Variants in USP42 observed in about 807,000 individuals in gnomAD.
USP42 encodes the protein ubiquitin specific peptidase 42, also known as ubiquitin carboxyl-terminal hydrolase 42.
Under a neutral mutation model 113.0 loss-of-function variants are expected in USP42, and 23 were observed. The ratio of observed to expected loss-of-function variants is 0.20; its 90% confidence interval spans 0.15 to 0.29. The LOEUF (loss-of-function observed/expected upper bound fraction) is 0.29. Ranked by LOEUF, USP42 falls within the 10% of genes least tolerant of loss-of-function variation. The pLI is 1.00. For missense variants in USP42, 2,174 were observed against 1,779.8 expected (o/e 1.22, Z -3.99); for synonymous variants, 933 against 699.0 (o/e 1.33, Z -5.28).
At chr7:6,153,650 G>T in intron 14 of USP42, 106 bp from the exon 15 acceptor site, 1 of 1,301,024 alleles carries the variant, frequency 7.7e-7, no homozygotes, top group South Asian at 2.1e-5. Flanking sequence ...AAAATAAAGA[G>T]ACGAAATAGC....
chr7:6,114,047 A>G (rs1049875140), intron 2 of USP42, among the ~76,000 whole-genome samples: 21 of 152,150 alleles, frequency 1.4e-4, no homozygotes, highest in African/African-American at 4.8e-4. Context: ...TTCCATTATC[A>G]TACTTAGTTA....
chr7:6,098,848 G>T, the USP42 span, among the ~76,000 whole-genome samples: 2 of 149,656 alleles, frequency 1.3e-5, no homozygotes, highest in Admixed American at 6.7e-5. Flanking sequence ...GCCCTGCCAA[G>T]AATGCATTGT....
At chr7:6,128,812 GTCTT>G (rs1392593364) in intron 3 of USP42, among the ~76,000 whole-genome samples, 2 of 150,044 alleles carry the variant, frequency 1.3e-5, no homozygotes, top group African/African-American at 2.5e-5. Context: ...CTTTACTTGA[GTCTT>G]TCTTTCTTTT....
intron 12 of USP42, among the ~76,000 whole-genome samples, chr7:6,148,501 C>T (rs77870088): frequency 0.013 from 2,003 of 152,298 alleles, 26 homozygotes; most frequent in Middle Eastern, 0.061. Context: ...TAATTCCTGT[C>T]GGATTGCAGG....
Position 6,157,173 on chromosome 7 carries a change from C to G in USP42, c.3943+118C>G. 6.9e-7 allele frequency: 1 copy of G among 1,439,746 alleles called. No individual in the cohort carries two copies. Among genetic ancestry groups the G allele is most frequent in the South Asian group, 1.5e-5 (1 of 66,746 alleles). 89.2% of individuals were successfully genotyped at this position (1,439,746 alleles called of 1,614,324 possible). A position where few individuals can be genotyped will look rare whatever the true frequency, so the allele number is the denominator to read the frequency against. The stretch of plus-strand genomic sequence containing the variant: ...GGTGGCATCAAAGGGCACAGTTACT[C>G]AGAGCACCCCTGCCCTGCCTGGTCT... On this transcript the variant is annotated intron_variant, in intron 16 of 17. Coordinates refer to ENST00000306177, the MANE Select transcript of USP42 (RefSeq NM_032172.3). The surrounding 1 kb of genome is among the most constrained non-coding windows in gnomAD (Gnocchi z 4.1).
intron 14 of USP42, among the ~76,000 whole-genome samples, chr7:6,152,745 T>A (rs908978151): frequency 1.3e-5 from 2 of 152,150 alleles, no homozygotes; most frequent in Non-Finnish European, 2.9e-5. Context: ...CGAGGATATA[T>A]CGAAAGCTCT....
intron 3 of USP42, among the ~76,000 whole-genome samples, chr7:6,116,234 G>C (rs1021256939): frequency 3.3e-5 from 5 of 152,144 alleles, no homozygotes; most frequent in Non-Finnish European, 7.3e-5. Flanking sequence ...TTAGAGGAGA[G>C]GGACTCTCTT....
chr7:6,113,637 T>G (rs1779722302), intron 2 of USP42, among the ~76,000 whole-genome samples: 1 of 152,168 alleles, frequency 6.6e-6, no homozygotes, highest in Non-Finnish European at 1.5e-5. Context: ...TTGTTTTTTT[T>G]TTGAGACGAA....
chr7:6,087,845 A>AT, the USP42 span, among the ~76,000 whole-genome samples: 1 of 151,292 alleles, frequency 6.6e-6, no homozygotes, highest in Non-Finnish European at 1.5e-5. Flanking sequence ...GATACTAATT[A>AT]TAAGACAGTG....
intron 3 of USP42, chr7:6,116,786 CT>C (rs1251026352): frequency 1.9e-6 from 1 of 533,112 alleles, no homozygotes; most frequent in Non-Finnish European, 3.8e-6. Context: ...CATTTTCTCC[CT>C]TTCTCAGTCC....
the USP42 span, among the ~76,000 whole-genome samples, chr7:6,097,186 G>A: frequency 2.0e-5 from 3 of 150,902 alleles, no homozygotes; most frequent in African/African-American, 5.0e-5. Context: ...CAGCCACCTC[G>A]GGGTACCACT....
the USP42 span, among the ~76,000 whole-genome samples, chr7:6,085,999 G>A: frequency 1.2e-4 from 18 of 150,584 alleles, 2 homozygotes; most frequent in African/African-American, 4.5e-4. Flanking sequence ...TGCCAACATC[G>A]AGATGAGAGA....
chr7:6,136,751 G>A (rs139034133), intron 4 of USP42, among the ~76,000 whole-genome samples: 1 of 151,812 alleles, frequency 6.6e-6, no homozygotes, highest in Non-Finnish European at 1.5e-5. Context: ...TGCTCTGCAA[G>A]CAGCAGTAAA....
rs1782499103 is a variant in USP42, at chr7:6,157,109, T to C, written c.3943+54T>C. On this transcript the variant is annotated intron_variant, in intron 16 of 17. Transcript: ENST00000306177. This position sits in a 1 kb window ranked among gnomAD's most constrained non-coding sequence, Gnocchi z 4.1. ...ATAGAAACTATTTCTTAATACATTT[T>C]CTTTGCAAAGGTGATTAACATGTAG... 3 of 1,486,984 alleles carry C rather than the reference T, an allele frequency of 2.0e-6. No individual in the cohort carries two copies. The highest frequency in any genetic ancestry group is 2.6e-5 in the Admixed American group (1 of 39,182). The allele number at this position is 1,486,984 out of a possible 1,614,324, so 92.1% of individuals were successfully genotyped here.
intron 11 of USP42, among the ~76,000 whole-genome samples, chr7:6,147,272 G>A (rs774999720): frequency 6.6e-6 from 1 of 152,036 alleles, no homozygotes; most frequent in Non-Finnish European, 1.5e-5. Context: ...ATATAAGCCT[G>A]GGCAACAAAG....
At position 6,139,731 on chromosome 7, in the gene USP42, T is replaced by C. The variant is rs1781342249; in HGVS notation, c.657-397T>C. ...CATTCTCCCTGCCCTGGCACCGCCC[T>C]GTCTAGGACTTCATTGTCCGGGTGA... On this transcript the variant is annotated intron_variant, in intron 5 of 17. Coordinates refer to ENST00000306177, the MANE Select transcript of USP42 (RefSeq NM_032172.3). This position sits in a 1 kb window ranked among gnomAD's most constrained non-coding sequence, Gnocchi z 4.5. 7.3e-6 allele frequency: 2 copies of C among 272,810 alleles called. No homozygotes were observed. The highest frequency in any genetic ancestry group is 1.4e-5 in the Non-Finnish European group (2 of 141,508). The allele number at this position is 272,810 out of a possible 1,614,324, so 16.9% of individuals were successfully genotyped here.
chr7:6,150,923 T>G (rs1053251484), intron 14 of USP42, among the ~76,000 whole-genome samples: 1 of 152,184 alleles, frequency 6.6e-6, no homozygotes, highest in Non-Finnish European at 1.5e-5. Flanking sequence ...GGATGCCTTC[T>G]GAGAAATGCA....
At chr7:6,107,239 T>C (rs1779339054) in intron 1 of USP42, among the ~76,000 whole-genome samples, 1 of 152,178 alleles carries the variant, frequency 6.6e-6, no homozygotes, top group South Asian at 2.1e-4. Context: ...AAAAGGTAAT[T>C]GGAGCAAATA....
rs895133220 is a variant in USP42, at chr7:6,150,438, C to T, written c.2133C>T (p.Leu711=). 6.2e-7 allele frequency: 1 copy of T among 1,613,800 alleles called. No individual in the cohort carries two copies. The highest frequency in any genetic ancestry group is 8.5e-7 in the Non-Finnish European group (1 of 1,179,884). The change falls in exon 14 of 18, where the codon CTC becomes CTT. Residue 711 remains leucine (L), a synonymous_variant. Transcript: ENST00000306177. ...GKLMPAPLLS[L]PEDKILETFR... ...TGATGCCTGCTCCTTTGCTGTCTCT[C>T]CCAGAAGACAAAATCTTAGAGACCT... is the stretch of plus-strand genomic sequence containing the variant.
Sources: gnomAD v4.1 joint callset for allele counts (sites outside exome capture counted in the v4.1 genomes callset) on GRCh38, gnomAD v4.1.1 for gene constraint, Gnocchi (gnomAD v3.1) non-coding constraint, MANE v1.5 for transcripts, NCBI Gene and HGNC (gene_info 2026-07-23, HGNC 2026-07-21) for gene names.